LRRC4C: variants seen among roughly 807,000 people sequenced by gnomAD.
The protein encoded by LRRC4C is leucine-rich repeat-containing protein 4C.
A neutral mutation model predicts 33.6 loss-of-function variants in LRRC4C; 5 were observed. The ratio of observed to expected loss-of-function variants is 0.15; its 90% CI spans 0.08 to 0.31. The LOEUF is 0.31. LRRC4C is among the 10% of genes least tolerant of loss of function. The pLI is 1.00. For missense variants in LRRC4C, 560 were observed against 796.7 expected (o/e 0.70, Z 3.58); for synonymous variants, 329 against 302.0 (o/e 1.09, Z -0.93).
At chr11:40,434,303 G>C (rs1437358126) in intron 3 of LRRC4C, among the ~76,000 whole-genome samples, 1 of 152,184 alleles carries the variant, frequency 6.6e-6, no homozygotes, top group Non-Finnish European at 1.5e-5. Flanking sequence ...CCTATTTGAT[G>C]TTTGCTTATT....
intron 1 of LRRC4C, among the ~76,000 whole-genome samples, chr11:40,966,123 G>A (rs1469534230): frequency 6.6e-6 from 1 of 151,956 alleles, no homozygotes; most frequent in Admixed American, 6.6e-5. Flanking sequence ...GAATCTAATA[G>A]AAGTATTTGC....
intron 1 of LRRC4C, among the ~76,000 whole-genome samples, chr11:41,088,753 T>A (rs1179465035): frequency 6.6e-6 from 1 of 151,986 alleles, no homozygotes; most frequent in Non-Finnish European, 1.5e-5. Context: ...AGAGAGGAAA[T>A]GAGTTAGAAG....
intron 4 of LRRC4C, among the ~76,000 whole-genome samples, chr11:40,255,561 G>A (rs1221142299): frequency 2.0e-5 from 3 of 152,088 alleles, no homozygotes; most frequent in Non-Finnish European, 4.4e-5. Flanking sequence ...GTCCAATAAT[G>A]GCTAACCCAA....
chr11:40,544,901 A>G (rs556230746), intron 3 of LRRC4C, among the ~76,000 whole-genome samples: 6 of 152,102 alleles, frequency 3.9e-5, no homozygotes, highest in Middle Eastern at 6.8e-3. Context: ...TTGTTAATTC[A>G]CTGTCTAATC....
intron 3 of LRRC4C, among the ~76,000 whole-genome samples, chr11:40,597,615 A>C (rs1959486378): frequency 7.0e-6 from 1 of 141,910 alleles, no homozygotes; most frequent in Non-Finnish European, 1.6e-5. Flanking sequence ...AGGAAGGAAG[A>C]AATCCACTGC....
chr11:41,004,578 A>T (rs1166385592), intron 1 of LRRC4C, among the ~76,000 whole-genome samples: 1 of 152,208 alleles, frequency 6.6e-6, no homozygotes, highest in Non-Finnish European at 1.5e-5. Context: ...TTCTTAGATG[A>T]TATATTCTTC....
At chr11:40,489,970 T>C (rs922202264) in intron 3 of LRRC4C, among the ~76,000 whole-genome samples, 3 of 152,128 alleles carry the variant, frequency 2.0e-5, no homozygotes, top group Non-Finnish European at 2.9e-5. Flanking sequence ...AATATAGGCC[T>C]TCAAGTTCAT....
intron 3 of LRRC4C, among the ~76,000 whole-genome samples, chr11:40,478,726 A>G (rs1235695421): frequency 1.3e-5 from 2 of 152,186 alleles, no homozygotes; most frequent in Non-Finnish European, 2.9e-5. Context: ...AAATATTAAA[A>G]GACCATTGGG....
At chr11:41,081,126 T>C (rs977697547) in intron 1 of LRRC4C, among the ~76,000 whole-genome samples, 2 of 152,180 alleles carry the variant, frequency 1.3e-5, no homozygotes, top group African/African-American at 4.8e-5. Flanking sequence ...GTTATTATAA[T>C]TGTCAATCAA....
intron 2 of LRRC4C, among the ~76,000 whole-genome samples, chr11:40,698,231 T>C (rs1330020651): frequency 2.0e-5 from 3 of 152,128 alleles, no homozygotes; most frequent in African/African-American, 7.2e-5. Flanking sequence ...ATGACCCCTT[T>C]GCCTTACTTT....
chr11:40,500,216 A>T (rs912663739), intron 3 of LRRC4C, among the ~76,000 whole-genome samples: 1 of 150,040 alleles, frequency 6.7e-6, no homozygotes, highest in African/African-American at 2.4e-5. Flanking sequence ...TGCCAATGGC[A>T]TAAGATTGTT....
At chr11:41,271,676 G>A (rs1949326401) in intron 1 of LRRC4C, among the ~76,000 whole-genome samples, 1 of 152,010 alleles carries the variant, frequency 6.6e-6, no homozygotes, top group Non-Finnish European at 1.5e-5. Context: ...TTTTCAGCAT[G>A]TTCATTGTTC....
At chr11:41,313,391 GATT>G (rs1211531177) in intron 1 of LRRC4C, among the ~76,000 whole-genome samples, 1 of 152,146 alleles carries the variant, frequency 6.6e-6, no homozygotes, top group African/African-American at 2.4e-5. Context: ...TCTAGAATTG[GATT>G]ATAACACTGG....
intron 1 of LRRC4C, among the ~76,000 whole-genome samples, chr11:41,070,093 G>A (rs952369276): frequency 2.6e-5 from 4 of 152,032 alleles, no homozygotes. Context: ...GAACAAAACA[G>A]GGACTTCAGA....
intron 2 of LRRC4C, among the ~76,000 whole-genome samples, chr11:40,707,967 C>A (rs915508245): frequency 6.6e-6 from 1 of 152,144 alleles, no homozygotes; most frequent in African/African-American, 2.4e-5. Context: ...AGAATTCATC[C>A]ATTTCTTCTA....
intron 1 of LRRC4C, among the ~76,000 whole-genome samples, chr11:41,345,754 C>A (rs1030577910): frequency 6.6e-6 from 1 of 152,004 alleles, no homozygotes; most frequent in Non-Finnish European, 1.5e-5. Flanking sequence ...TCAGAGTCTC[C>A]GCACTAGATA....
At chr11:41,214,611 G>T (rs1234357156) in intron 1 of LRRC4C, among the ~76,000 whole-genome samples, 1 of 140,220 alleles carries the variant, frequency 7.1e-6, no homozygotes, top group Non-Finnish European at 1.5e-5. Context: ...TTAGCCGGGC[G>T]TGGTGGCGGG....
intron 5 of LRRC4C, among the ~76,000 whole-genome samples, chr11:40,218,176 G>A (rs1475445519): frequency 6.6e-6 from 1 of 152,036 alleles, no homozygotes; most frequent in East Asian, 1.9e-4. Flanking sequence ...ATCCCAAAAT[G>A]TTTTGCATTC....
At chr11:41,318,161 AAAGAAGAATGATC>A (rs1950851271) in intron 1 of LRRC4C, among the ~76,000 whole-genome samples, 1 of 152,216 alleles carries the variant, frequency 6.6e-6, no homozygotes, top group South Asian at 2.1e-4. Context: ...AATATTTCCC[AAAGAAGAATGATC>A]AATGAGAACA....
Sources: allele counts gnomAD v4.1 joint callset (sites outside exome capture counted in the v4.1 genomes callset), GRCh38; gene constraint gnomAD v4.1.1; transcripts MANE v1.5; gene names NCBI Gene and HGNC (gene_info 2026-07-23, HGNC 2026-07-21).